SLC26A11: variants seen among roughly 807,000 people sequenced by gnomAD.
SLC26A11 encodes the protein sodium-independent sulfate anion transporter.
SLC26A11 carries 58 observed loss-of-function variants against 62.2 expected under a neutral mutation model. The ratio of observed to expected loss-of-function variants is 0.93; its 90% confidence interval spans 0.76 to 1.16. The LOEUF is 1.16. Among genes scored for constraint, SLC26A11 ranks in the 50% most tolerant of loss-of-function variants. SLC26A11 has a pLI of 0.00. For synonymous variants in SLC26A11, 411 were observed against 368.9 expected, an observed-to-expected ratio of 1.11 and a Z score of -1.31; for missense variants, 790 against 794.3, an observed-to-expected ratio of 0.99 and a Z score of 0.06.
chr17:80,228,884 GA>G lies in SLC26A11; in HGVS notation c.736+925del, dbSNP rs2042487962. Among the ~76,000 whole-genome samples the G allele has an allele frequency of 6.6e-6, 1 of 152,222 alleles. No individual in the cohort carries two copies. The highest frequency in any genetic ancestry group is 1.5e-5 in the Non-Finnish European group (1 of 68,044). On this transcript the variant is annotated intron_variant, in intron 7 of 17. Coordinates refer to ENST00000361193, the MANE Select transcript of SLC26A11 (RefSeq NM_001166347.2). The surrounding 1 kb of genome is among the most constrained non-coding windows in gnomAD (Gnocchi z 4.1). ...AGGGGTCCTTTGAGAAAGGGGTGGTGAGGGCTGCGTCGTGGAGGAGCAGGGC... is the reference window on the plus strand; with the variant it reads ...AGGGGTCCTTTGAGAAAGGGGTGGTGGGGCTGCGTCGTGGAGGAGCAGGGC...
rs1361172759 is a variant in SLC26A11, at chr17:80,252,388, T to C, written c.1730-237T>C. ...GGATAAGCAGAATGTGGCCTGGCCG[T>C]GGGATGGGAGGGTACCCTGGAGCAG... On this transcript the variant is annotated intron_variant, in intron 17 of 17. Coordinates refer to ENST00000361193, the MANE Select transcript of SLC26A11 (RefSeq NM_001166347.2). The surrounding 1 kb of genome is among the most constrained non-coding windows in gnomAD (Gnocchi z 5.2). Among the ~76,000 whole-genome samples, 1 of 151,960 alleles carries C rather than the reference T, an allele frequency of 6.6e-6. No individual in the cohort carries two copies. The highest frequency in any genetic ancestry group is 1.5e-5 in the Non-Finnish European group (1 of 67,968).
intron 7 of SLC26A11, chr17:80,236,721 C>T (rs942787692): frequency 1.8e-6 from 1 of 559,132 alleles, no homozygotes; most frequent in African/African-American, 1.9e-5. Context: ...CACCTGTCCG[C>T]AGCCTGCAGC....
At chr17:80,227,786 TG>T (rs746874789) in intron 6 of SLC26A11, 31 bp from the exon 7 acceptor site, 2 of 1,598,382 alleles carry the variant, frequency 1.3e-6, no homozygotes, top group South Asian at 2.2e-5. Context: ...TGGGCCGAGC[TG>T]GGTGGTGACC....
At position 80,251,405 on chromosome 17, in the gene SLC26A11, G is replaced by A. The variant is rs747155435; in HGVS notation, c.1729+4G>A. 1.1e-5 allele frequency: 17 copies of A among 1,613,796 alleles called. No individual in the cohort carries two copies. The highest frequency in any genetic ancestry group is 1.4e-5 in the Non-Finnish European group (16 of 1,179,926). The stretch of plus-strand genomic sequence containing the variant: ...TTCTCTACCCTGGAAGAAGCAGGTG[G>A]GCACAGTCAGACATCCTGTGGCTTT... On this transcript the variant is annotated splice_donor_region_variant and intron_variant, in intron 17 of 17. Coordinates refer to ENST00000361193, the MANE Select transcript of SLC26A11 (RefSeq NM_001166347.2).
intron 8 of SLC26A11, 135 bp from the exon 9 acceptor site, chr17:80,237,385 AAG>A: frequency 1.2e-6 from 1 of 866,018 alleles, no homozygotes; most frequent in Non-Finnish European, 1.8e-6. Context: ...CTCTTCAGAC[AAG>A]GAGGCGGATC....
intron 11 of SLC26A11, 146 bp downstream of exon 11, chr17:80,245,402 T>C (rs2042968731): frequency 4.2e-6 from 3 of 719,784 alleles, no homozygotes; most frequent in Admixed American, 2.1e-5. Flanking sequence ...GGTCACCCAC[T>C]GTCCTCCAGG....
chr17:80,252,781 G>T lies in SLC26A11; in HGVS notation c.*65G>T. The T allele has an allele frequency of 7.1e-7, 1 of 1,407,044 alleles. No homozygotes were observed. The highest frequency in any genetic ancestry group is 9.9e-7 in the Non-Finnish European group (1 of 1,005,066). 87.2% of individuals were successfully genotyped at this position (1,407,044 alleles called of 1,614,324 possible). The stretch of plus-strand genomic sequence containing the variant: ...CGGAAGGTTCTTGTCACTGTGATTG[G>T]ATGCTGGATGCCGCCTGATAGACAT... On this transcript the variant is annotated 3_prime_UTR_variant, in exon 18 of 18. Coordinates refer to ENST00000361193, the MANE Select transcript of SLC26A11 (RefSeq NM_001166347.2). This position sits in a 1 kb window ranked among gnomAD's most constrained non-coding sequence, Gnocchi z 5.2.
rs2042249991 is a variant in SLC26A11, at chr17:80,222,498, T to A, written c.235-157T>A. ...GAGTGCTGCTAAAAAAGTGGCCTCC[T>A]GATCACTGCAGGTCCACCCACAGGG... On this transcript the variant is annotated intron_variant, in intron 3 of 17. Transcript: ENST00000361193. The surrounding 1 kb of genome is among the most constrained non-coding windows in gnomAD (Gnocchi z 4.7). 1.4e-6 allele frequency: 1 copy of A among 712,940 alleles called. No homozygotes were observed. Among genetic ancestry groups the A allele is most frequent in the Non-Finnish European group, 2.3e-6 (1 of 436,110 alleles). 44.2% of individuals were successfully genotyped at this position (712,940 alleles called of 1,614,324 possible). A position where few individuals can be genotyped will look rare whatever the true frequency, so the allele number is the denominator to read the frequency against.
chr17:80,221,322 G>C, intron 2 of SLC26A11: 1 of 407,932 alleles, frequency 2.5e-6, no homozygotes. Context: ...GGATTTGCAC[G>C]GGGGGGATTC....
At chr17:80,233,961 T>A (rs780179071) in intron 7 of SLC26A11, among the ~76,000 whole-genome samples, 26 of 152,246 alleles carry the variant, frequency 1.7e-4, no homozygotes, top group Middle Eastern at 3.4e-3. Context: ...TATAGAATTC[T>A]AGACTTTTTT....
In SLC26A11 at chr17:80,237,512, CCT is replaced by C; in HGVS notation, c.913-4_913-3del. ...GGAAGGTCACTCACCATCCCTCTCT[CCT>C]CTCTCAGGACATGGGAGCCGGGCTG... On this transcript the variant is annotated splice_region_variant and splice_polypyrimidine_tract_variant and intron_variant, in intron 8 of 17. Coordinates refer to ENST00000361193, the MANE Select transcript of SLC26A11 (RefSeq NM_001166347.2). The C allele has an allele frequency of 6.2e-7, 1 of 1,607,438 alleles. No homozygotes were observed. The highest frequency in any genetic ancestry group is 2.2e-5 in the East Asian group (1 of 44,668).
chr17:80,249,399 G>A (rs1212894425), intron 16 of SLC26A11, 112 bp downstream of exon 16: 14 of 1,364,696 alleles, frequency 1.0e-5, no homozygotes, highest in African/African-American at 2.9e-5. Flanking sequence ...ACGGCCCTTC[G>A]GCCGGTGCTG....
rs2042285548 is a variant in SLC26A11, at chr17:80,223,598, C to T, written c.513+261C>T. On this transcript the variant is annotated intron_variant, in intron 5 of 17. Transcript: ENST00000361193. This position sits in a 1 kb window ranked among gnomAD's most constrained non-coding sequence, Gnocchi z 4.6. Reference sequence around the variant, plus strand: ...GGGCCGGTAATTCCATCCCCCTGCTCTTGCCCGAGTTTCCGTGCCAGTGTG... The same window carrying T: ...GGGCCGGTAATTCCATCCCCCTGCTTTTGCCCGAGTTTCCGTGCCAGTGTG... 6.6e-6 allele frequency among the ~76,000 whole-genome samples: 1 copy of T among 152,216 alleles called. No individual in the cohort carries two copies. The highest frequency in any genetic ancestry group is 1.5e-5 in the Non-Finnish European group (1 of 68,038).
Position 80,253,371 on chromosome 17 carries a change from T to C in SLC26A11, c.*655T>C, listed in dbSNP as rs1483280332. 6.6e-6 allele frequency: 1 copy of C among 152,242 alleles called. No homozygotes were observed. Among genetic ancestry groups the C allele is most frequent in the Non-Finnish European group, 1.5e-5 (1 of 68,056 alleles). The allele number at this position is 152,242 out of a possible 1,614,324, so 9.4% of individuals were successfully genotyped here. Reference sequence around the variant, plus strand: ...ACATGCATATGTACCTGTCCGTCAGTGTGTGGATGTATGTTTACAGTTCTA... The same window carrying C: ...ACATGCATATGTACCTGTCCGTCAGCGTGTGGATGTATGTTTACAGTTCTA... On this transcript the variant is annotated 3_prime_UTR_variant, in exon 18 of 18. Transcript: ENST00000361193.
In SLC26A11 at chr17:80,223,228, C is replaced by G; in HGVS notation, c.428-24C>G. On this transcript the variant is annotated intron_variant, in intron 4 of 17. Transcript: ENST00000361193. The surrounding 1 kb of genome is among the most constrained non-coding windows in gnomAD (Gnocchi z 4.6). ...GGACTGGGTGGAGCCGGGACCAGCT[C>G]GATGTCCCCTCTTGGCTGGCCAGGG... 3.7e-6 allele frequency: 6 copies of G among 1,605,900 alleles called. No individual in the cohort carries two copies. The highest frequency in any genetic ancestry group is 5.1e-6 in the Non-Finnish European group (6 of 1,172,680).
intron 13 of SLC26A11, among the ~76,000 whole-genome samples, chr17:80,247,664 G>A (rs370634646): frequency 1.1e-4 from 16 of 152,226 alleles, no homozygotes; most frequent in African/African-American, 2.4e-4. Flanking sequence ...ATGTGCCGGC[G>A]TGGAATGGGA....
intron 10 of SLC26A11, among the ~76,000 whole-genome samples, chr17:80,243,466 C>A (rs1385570704): frequency 6.6e-6 from 1 of 152,158 alleles, no homozygotes; most frequent in South Asian, 2.1e-4. Flanking sequence ...GGCACGGTCT[C>A]GGCTTTCTGC....
intron 8 of SLC26A11, 42 bp downstream of exon 8, chr17:80,237,145 G>A (rs8070283): frequency 0.73 from 1,161,399 of 1,587,104 alleles, 428,457 homozygotes; most frequent in East Asian, 0.98. Context: ...CTGAGGCTGC[G>A]GTGGCCCCTG....
intron 10 of SLC26A11, 115 bp downstream of exon 10, chr17:80,241,936 AG>A: frequency 8.3e-7 from 1 of 1,209,660 alleles, no homozygotes; most frequent in Non-Finnish European, 1.2e-6. Context: ...ATGAACTGGG[AG>A]GGCAAAGGTG....
Sources: allele counts gnomAD v4.1 joint callset (sites outside exome capture counted in the v4.1 genomes callset), GRCh38; gene constraint gnomAD v4.1.1; non-coding constraint Gnocchi (gnomAD v3.1); transcripts MANE v1.5; gene names NCBI Gene and HGNC (gene_info 2026-07-23, HGNC 2026-07-21).